ADK: variants seen among roughly 807,000 people sequenced by gnomAD.
ADK encodes adenosine kinase, also known as N6,N6-dimethyladenosine kinase.
ADK carries 24 observed loss-of-function variants against 44.7 expected under a neutral mutation model. The ratio of observed to expected loss-of-function variants is 0.54; its 90% confidence interval spans 0.39 to 0.76. ADK has a LOEUF of 0.76. ADK is among the 30% of genes least tolerant of loss of function. ADK has a pLI of 0.00. For synonymous variants in ADK, 128 were observed against 142.6 expected (o/e 0.90, Z 0.73); for missense variants, 321 against 425.1 (o/e 0.76, Z 2.15).
intron 3 of ADK, among the ~76,000 whole-genome samples, chr10:74,230,488 T>G (rs924376683): frequency 6.6e-6 from 1 of 151,772 alleles, no homozygotes; most frequent in Non-Finnish European, 1.5e-5. Flanking sequence ...TTTTTTTTTT[T>G]TGAAACAGGG....
intron 3 of ADK, among the ~76,000 whole-genome samples, chr10:74,295,751 G>A (rs1378369307): frequency 1.1e-5 from 1 of 88,996 alleles, no homozygotes; most frequent in Non-Finnish European, 3.1e-5. Context: ...TTGTAGGAAT[G>A]TTCCATTAAA....
intron 6 of ADK, among the ~76,000 whole-genome samples, chr10:74,473,193 G>GAC (rs74890577): frequency 0.023 from 3,475 of 149,626 alleles, 107 homozygotes; most frequent in African/African-American, 0.073. Context: ...TATACACACA[G>GAC]ACACACACAC....
At chr10:74,479,527 T>C (rs1291069060) in intron 6 of ADK, among the ~76,000 whole-genome samples, 1 of 152,050 alleles carries the variant, frequency 6.6e-6, no homozygotes, top group Non-Finnish European at 1.5e-5. Flanking sequence ...GAATATACTT[T>C]CATGTCAATA....
chr10:74,333,694 CTA>C (rs760432979), intron 4 of ADK, among the ~76,000 whole-genome samples: 43 of 151,984 alleles, frequency 2.8e-4, no homozygotes, highest in Non-Finnish European at 5.0e-4. Flanking sequence ...CAAATTTAAT[CTA>C]TTTTTTTCTC....
At chr10:74,162,447 T>G (rs1019377992) in intron 1 of ADK, among the ~76,000 whole-genome samples, 1 of 152,132 alleles carries the variant, frequency 6.6e-6, no homozygotes, top group African/African-American at 2.4e-5. Context: ...ATTTTTTTGT[T>G]AAATGGAGTG....
chr10:74,279,676 A>G lies in ADK; in HGVS notation c.195-34991A>G, dbSNP rs1233748853. 2.0e-5 allele frequency among the ~76,000 whole-genome samples: 3 copies of G among 152,036 alleles called. No homozygotes were observed. The East Asian group carries it at 5.8e-4, about 29-fold the overall frequency. On this transcript the variant is annotated intron_variant, in intron 3 of 10. Coordinates refer to ENST00000539909, the MANE Select transcript of ADK (RefSeq NM_006721.4). ...TCTTTTTTTGCCAGTTTGATCACTA[A>G]ATAGTGATGTTTCATCTTACCTCGA...
At chr10:74,499,948 A>G (rs2133443301) in intron 6 of ADK, among the ~76,000 whole-genome samples, 1 of 152,264 alleles carries the variant, frequency 6.6e-6, no homozygotes, top group Non-Finnish European at 1.5e-5. Flanking sequence ...TCAATAGATG[A>G]ATGCTGTTGC....
intron 10 of ADK, among the ~76,000 whole-genome samples, chr10:74,673,532 C>T (rs1238965165): frequency 6.6e-6 from 1 of 152,124 alleles, no homozygotes; most frequent in Non-Finnish European, 1.5e-5. Context: ...CTGGTAAGAG[C>T]GAACTCCATA....
chr10:74,237,939 G>A (rs558606754), intron 3 of ADK, among the ~76,000 whole-genome samples: 199 of 152,188 alleles, frequency 1.3e-3, no homozygotes, highest in Non-Finnish European at 2.3e-3. Flanking sequence ...TCTCTACTAA[G>A]AATAGAAAAT....
intron 7 of ADK, among the ~76,000 whole-genome samples, chr10:74,531,326 G>A (rs1849283980): frequency 1.3e-5 from 2 of 152,044 alleles, no homozygotes; most frequent in African/African-American, 4.8e-5. Flanking sequence ...TAGATGTTCT[G>A]GTCCCTCCTG....
intron 6 of ADK, among the ~76,000 whole-genome samples, chr10:74,488,945 A>G (rs1847371969): frequency 1.3e-5 from 2 of 152,058 alleles, no homozygotes; most frequent in East Asian, 1.9e-4. Context: ...CAAATATTCA[A>G]CAGGATAATA....
chr10:74,447,659 A>ACTACT, intron 6 of ADK, among the ~76,000 whole-genome samples: 1 of 152,182 alleles, frequency 6.6e-6, no homozygotes, highest in African/African-American at 2.4e-5. Context: ...CTAATAATCT[A>ACTACT]CTACTCTTTG....
chr10:74,365,201 A>G (rs1207171459), intron 4 of ADK, among the ~76,000 whole-genome samples: 3 of 152,106 alleles, frequency 2.0e-5, no homozygotes, highest in African/African-American at 7.2e-5. Context: ...CTGCACAACC[A>G]CAACCATAAT....
intron 1 of ADK, among the ~76,000 whole-genome samples, chr10:74,195,586 C>T (rs569864946): frequency 1.3e-5 from 2 of 152,144 alleles, no homozygotes; most frequent in Admixed American, 6.5e-5. Context: ...CAGGCTTAAG[C>T]GATCCTCCCA....
intron 7 of ADK, among the ~76,000 whole-genome samples, chr10:74,575,110 G>A (rs1414314359): frequency 6.6e-6 from 1 of 152,148 alleles, no homozygotes; most frequent in Non-Finnish European, 1.5e-5. Flanking sequence ...AAAAAATCAA[G>A]TCAGTGTCAA....
Position 74,210,723 on chromosome 10 carries a change from T to G in ADK, c.140+9885T>G, listed in dbSNP as rs182331663. Among the ~76,000 whole-genome samples the G allele has an allele frequency of 3.3e-5, 5 of 152,340 alleles. No homozygotes were observed. The East Asian group carries it at 9.6e-4, about 29-fold the overall frequency. On this transcript the variant is annotated intron_variant, in intron 2 of 10. Coordinates refer to ENST00000539909, the MANE Select transcript of ADK (RefSeq NM_006721.4). ...GTGCCAATAATTTACAACTGAATTA[T>G]TTCTATAAATAAAAATTTATTTCTT...
At chr10:74,300,657 G>T (rs1185838500) in intron 3 of ADK, among the ~76,000 whole-genome samples, 1 of 152,144 alleles carries the variant, frequency 6.6e-6, no homozygotes, top group Non-Finnish European at 1.5e-5. Flanking sequence ...GGGATTACAG[G>T]TGTGAGCCAC....
At chr10:74,372,094 GCACCATTTCCCATGAA>G in intron 4 of ADK, 1 of 752,636 alleles carries the variant, frequency 1.3e-6, no homozygotes, top group Non-Finnish European at 2.4e-6. Context: ...CGCGCGTGTG[GCACCATTTCCCATGAA>G]CACCCATGGG....
At chr10:74,459,802 A>G (rs561977620) in intron 6 of ADK, among the ~76,000 whole-genome samples, 2 of 151,776 alleles carry the variant, frequency 1.3e-5, no homozygotes, top group Admixed American at 6.6e-5. Flanking sequence ...AAAGTCAAAC[A>G]TTTTTACTGC....
Sources: gnomAD v4.1 joint callset for allele counts (sites outside exome capture counted in the v4.1 genomes callset) on GRCh38, gnomAD v4.1.1 for gene constraint, MANE v1.5 for transcripts, NCBI Gene and HGNC (gene_info 2026-07-23, HGNC 2026-07-21) for gene names.